The following SETDB1 variants were observed in gnomAD, a reference collection of about 807,000 sequenced individuals.
SETDB1 encodes histone-lysine N-methyltransferase SETDB1.
Under a neutral mutation model 137.4 loss-of-function variants are expected in SETDB1, and 31 were observed. The ratio of observed to expected loss-of-function variants is 0.23; its 90% CI spans 0.17 to 0.30. SETDB1 has a LOEUF of 0.30. Among genes scored for constraint, SETDB1 ranks in the 10% least tolerant of loss-of-function variants. The pLI is 1.00. For synonymous variants in SETDB1, 548 were observed against 579.9 expected, an observed-to-expected ratio of 0.95 and a Z score of 0.79; for missense variants, 1,113 against 1,631.5, an observed-to-expected ratio of 0.68 and a Z score of 5.47.
At chr1:150,930,203 G>C in intron 3 of SETDB1, 85 bp downstream of exon 3, 6 of 1,219,446 alleles carry the variant, frequency 4.9e-6, no homozygotes, top group Non-Finnish European at 6.9e-6. Context: ...ATAGAAGAGA[G>C]GAGAAACCAT....
At chr1:150,946,781 G>T (rs949576325) in intron 9 of SETDB1, 105 bp from the exon 10 acceptor site, 1 of 1,352,348 alleles carries the variant, frequency 7.4e-7, no homozygotes, top group South Asian at 1.3e-5. Context: ...AGGCTCATCA[G>T]GGAGGATTCC....
chr1:150,939,809 A>G (rs1364169819), intron 3 of SETDB1, 131 bp from the exon 4 acceptor site: 1 of 639,076 alleles, frequency 1.6e-6, no homozygotes, highest in Non-Finnish European at 2.8e-6. Context: ...GTGTATACCT[A>G]TATCAAGATT....
At chr1:150,926,801 G>C in intron 1 of SETDB1, 3 of 533,448 alleles carry the variant, frequency 5.6e-6, no homozygotes, top group South Asian at 4.2e-5. Flanking sequence ...TTGGATTGTG[G>C]ATATTAGGTA....
chr1:150,934,477 A>T (rs1295727553), intron 3 of SETDB1, among the ~76,000 whole-genome samples: 1 of 151,766 alleles, frequency 6.6e-6, no homozygotes, highest in Non-Finnish European at 1.5e-5. Context: ...CATCTCAAAA[A>T]ATATATATAT....
intron 14 of SETDB1, among the ~76,000 whole-genome samples, chr1:150,958,429 T>TTTA (rs1424976874): frequency 1.3e-5 from 2 of 151,718 alleles, no homozygotes; most frequent in African/African-American, 4.8e-5. Flanking sequence ...TTTTTTAATT[T>TTTA]TTATTAGAGA....
rs752919248 is a variant in SETDB1, at chr1:150,943,980, C to T, written c.936C>T (p.Pro312=). 1 of 1,611,628 alleles carries T rather than the reference C, an allele frequency of 6.2e-7. No homozygotes were observed. Among genetic ancestry groups the T allele is most frequent in the East Asian group, 2.2e-5 (1 of 44,884 alleles). The change falls in exon 8 of 22, where the codon CCC becomes CCT. Residue 312 remains proline (P), a synonymous_variant. Transcript: ENST00000692827. ...ASYVTQSELY[P]ICRPLKKTWE... The stretch of plus-strand genomic sequence containing the variant: ...ATGTCACACAGTCGGAACTGTATCC[C>T]ATTTGCCGGCCACGTGAGTGTTTCT...
chr1:150,957,596 TA>T (rs1670682073), intron 14 of SETDB1, among the ~76,000 whole-genome samples: 2 of 152,238 alleles, frequency 1.3e-5, no homozygotes, highest in Admixed American at 6.5e-5. Flanking sequence ...AAAACATTGT[TA>T]CCTGAAACAA....
rs751943258 is a variant in SETDB1 at position 150,951,016 on chromosome 1, G to A, written c.2142G>A (p.Pro714=). 18 of 1,613,944 alleles carry A rather than the reference G, an allele frequency of 1.1e-5. No individual in the cohort carries two copies. Among genetic ancestry groups the A allele is most frequent in the Admixed American group, 1.7e-5 (1 of 59,988 alleles). The change falls in exon 13 of 22, where the codon CCG becomes CCA. Residue 714 remains proline, a synonymous_variant. Transcript: ENST00000692827. ...TGGCCTACAGCAAGGAACGTATCCC[G>A]GGCAAGGGTGTTTTCATTAACACAG... ...PQVAYSKERI[P]GKGVFINTGP... is the part of the protein sequence containing the mutation.
At chr1:150,962,193 G>A (rs771461004) in intron 17 of SETDB1, 35 bp downstream of exon 17, 1 of 1,596,496 alleles carries the variant, frequency 6.3e-7, no homozygotes, top group African/African-American at 1.3e-5. Context: ...TTTTGAGACA[G>A]AGTCTTGCTT....
At chr1:150,933,368 C>T (rs370854305) in intron 3 of SETDB1, among the ~76,000 whole-genome samples, 16 of 118,856 alleles carry the variant, frequency 1.3e-4, no homozygotes, top group Admixed American at 3.0e-4. Flanking sequence ...CCTATTTTGT[C>T]TTTTTTTTTT....
intron 5 of SETDB1, among the ~76,000 whole-genome samples, chr1:150,942,026 G>C (rs941406533): frequency 1.4e-4 from 21 of 151,766 alleles, no homozygotes; most frequent in Non-Finnish European, 2.5e-4. Context: ...TGTAATCTCA[G>C]CTACTCAGGA....
intron 9 of SETDB1, among the ~76,000 whole-genome samples, chr1:150,945,619 G>A (rs1418822393): frequency 6.6e-6 from 1 of 152,124 alleles, no homozygotes; most frequent in Non-Finnish European, 1.5e-5. Flanking sequence ...CTGATAGGCA[G>A]TGTGCCCAGA....
chr1:150,939,333 A>G (rs1158625751), intron 3 of SETDB1, among the ~76,000 whole-genome samples: 1 of 95,852 alleles, frequency 1.0e-5, no homozygotes, highest in African/African-American at 4.0e-5. Flanking sequence ...ATTTTTTATT[A>G]TTATTGTTTT....
At position 150,964,096 on chromosome 1, in the gene SETDB1, G is replaced by A; in HGVS notation, c.3761+13G>A. 6.2e-7 allele frequency: 1 copy of A among 1,609,096 alleles called. No homozygotes were observed. Among genetic ancestry groups the A allele is most frequent in the Non-Finnish European group, 8.5e-7 (1 of 1,175,446 alleles). Reference sequence around the variant, plus strand: ...TCTTTGCCAGCAAGTAAGGAGTCAGGAAAGGGGATGACTGGGGAGGGGCAA... The same window carrying A: ...TCTTTGCCAGCAAGTAAGGAGTCAGAAAAGGGGATGACTGGGGAGGGGCAA... On this transcript the variant is annotated intron_variant, in intron 21 of 21. Transcript: ENST00000692827.
chr1:150,927,912 A>G lies in SETDB1; in HGVS notation c.198A>G (p.Thr66=), dbSNP rs201022213. ...AGAAGCAGCTAGCAGAGTTAGAGACATGGGTAATACAGAAAGAATCTGAGG... is the reference window on the plus strand; with the variant it reads ...AGAAGCAGCTAGCAGAGTTAGAGACGTGGGTAATACAGAAAGAATCTGAGG... ...QRKKQLAELE[T]WVIQKESEVA... is the part of the protein sequence containing the mutation. Residue 66 remains threonine (T), a synonymous_variant, in exon 2 of 22, where the codon ACA becomes ACG. Transcript: ENST00000692827. The G allele has an allele frequency of 1.9e-5, 31 of 1,614,104 alleles. No individual in the cohort carries two copies. The South Asian group carries it at 2.1e-4, about 11-fold the overall frequency.
At chr1:150,955,948 C>A (rs1463940586) in intron 14 of SETDB1, among the ~76,000 whole-genome samples, 1 of 151,914 alleles carries the variant, frequency 6.6e-6, no homozygotes, top group Non-Finnish European at 1.5e-5. Context: ...AAAAATTAGC[C>A]AGGCGTGGTG....
Position 150,927,691 on chromosome 1 carries a change from C to T in SETDB1, c.-11-13C>T. The T allele has an allele frequency of 6.2e-7, 1 of 1,606,676 alleles. No homozygotes were observed. ...TAAGGACTCCAATTTAATTTGTTTT[C>T]TGTTCCATGCAGAGGACAAAAGCAT... On this transcript the variant is annotated splice_polypyrimidine_tract_variant and intron_variant, in intron 1 of 21. Coordinates refer to ENST00000692827, the MANE Select transcript of SETDB1 (RefSeq NM_001366418.1).
intron 4 of SETDB1, 74 bp downstream of exon 4, chr1:150,940,048 A>G (rs1285213389): frequency 7.1e-6 from 8 of 1,125,546 alleles, no homozygotes; most frequent in East Asian, 2.3e-5. Flanking sequence ...CTAACCATTT[A>G]ATCAGTTTAG....
At chr1:150,954,132 G>A (rs1571654111) in intron 14 of SETDB1, among the ~76,000 whole-genome samples, 1 of 152,264 alleles carries the variant, frequency 6.6e-6, no homozygotes, top group Admixed American at 6.5e-5. Context: ...GGGATTACAG[G>A]CGTGAGCCAC....
Sources: gnomAD v4.1 joint callset for allele counts (sites outside exome capture counted in the v4.1 genomes callset) on GRCh38, gnomAD v4.1.1 for gene constraint, MANE v1.5 for transcripts, NCBI Gene and HGNC (gene_info 2026-07-23, HGNC 2026-07-21) for gene names.